Variants in NIN observed in about 807,000 individuals in gnomAD.
NIN encodes the protein glycogen synthase kinase 3 beta-interacting protein.
NIN carries 137 observed loss-of-function variants against 257.6 expected under a neutral mutation model. That is an observed-to-expected ratio of 0.53 (90% CI 0.46 to 0.61). The LOEUF is 0.61. NIN is among the 20% of genes least tolerant of loss of function. The probability of loss-of-function intolerance (pLI) is 0.00; values close to 1 mark genes in which losing one functional copy is unlikely to be tolerated. For missense variants in NIN, 2,439 were observed against 2,501.2 expected (o/e 0.98, Z 0.53); for synonymous variants, 918 against 919.8 (o/e 1.00, Z 0.04).
chr14:50,766,418 G>T, intron 13 of NIN, 22 bp from the exon 14 acceptor site: 1 of 1,610,912 alleles, frequency 6.2e-7, no homozygotes, highest in Non-Finnish European at 8.5e-7. Context: ...AAAGGGCAAA[G>T]CTGTCATTTT....
chr14:50,754,919 T>C lies in NIN; in HGVS notation c.4539-52A>G, dbSNP rs771931283. ...GTTACAAGGCAGTCATCTGGCATCT[T>C]TGGAAAATATTTTCTAGTAACTTCC... On this transcript the variant is annotated intron_variant, in intron 18 of 30. Transcript: ENST00000530997. 13 of 1,296,306 alleles carry C rather than the reference T, an allele frequency of 1.0e-5. No homozygotes were observed. In the South Asian group the frequency reaches 1.0e-4, roughly 10 times the overall value. 80.3% of individuals were successfully genotyped at this position (1,296,306 alleles called of 1,614,324 possible).
chr14:50,803,882 C>CT (rs907379305), intron 4 of NIN, among the ~76,000 whole-genome samples: 76 of 144,676 alleles, frequency 5.3e-4, no homozygotes, highest in African/African-American at 1.4e-3. Flanking sequence ...GGTAGAGTCA[C>CT]TTTTTTTTTT....
At chr14:50,815,199 AAAAC>A (rs1178854154) in intron 3 of NIN, among the ~76,000 whole-genome samples, 2 of 152,232 alleles carry the variant, frequency 1.3e-5, no homozygotes, top group African/African-American at 4.8e-5. Context: ...TTACAAGAAA[AAAAC>A]AAACAACCCC....
At chr14:50,739,799 G>C (rs1305586699) in intron 25 of NIN, among the ~76,000 whole-genome samples, 5 of 152,226 alleles carry the variant, frequency 3.3e-5, no homozygotes, top group South Asian at 2.1e-4. Context: ...CAAATGCATT[G>C]AGACTGGTGG....
chr14:50,794,139 C>G (rs1200041044), intron 4 of NIN, among the ~76,000 whole-genome samples: 1 of 152,188 alleles, frequency 6.6e-6, no homozygotes, highest in Non-Finnish European at 1.5e-5. Context: ...CATTACTTTA[C>G]AGTTTCCCAG....
At chr14:50,785,740 A>C (rs112533171) in intron 5 of NIN, among the ~76,000 whole-genome samples, 2,744 of 152,324 alleles carry the variant, frequency 0.018, 91 homozygotes, top group African/African-American at 0.062. Flanking sequence ...AGTATTTATA[A>C]AGCCTGTGCT....
At chr14:50,767,570 C>A (rs1289309691) in intron 12 of NIN, among the ~76,000 whole-genome samples, 1 of 152,054 alleles carries the variant, frequency 6.6e-6, no homozygotes, top group Middle Eastern at 3.2e-3. Flanking sequence ...GTAATCCCAG[C>A]ACTTTGGGAG....
chr14:50,757,713 G>T lies in NIN; in HGVS notation c.3317C>A (p.Ser1106Tyr), dbSNP rs770878751. 1 of 1,614,084 alleles carries T rather than the reference G, an allele frequency of 6.2e-7. No individual in the cohort carries two copies. The highest frequency in any genetic ancestry group is 1.1e-5 in the South Asian group (1 of 91,084). The change falls in exon 18 of 31, where the codon TCT becomes TAT. Residue 1106 changes from serine to tyrosine, a missense_variant. Ser to Tyr is a moderately radical substitution (Grantham distance 144). Coordinates refer to ENST00000530997, the MANE Select transcript of NIN (RefSeq NM_020921.4). ...QKLEPGLVMSSCLDEPATEFF... is the reference protein window; with the variant it reads ...QKLEPGLVMSYCLDEPATEFF... Reference sequence around the variant, plus strand: ...CTCAGTAGCTGGCTCATCCAAACAAGAAGACATTACTAACCCTGGCTCTAA... The same window carrying T: ...CTCAGTAGCTGGCTCATCCAAACAATAAGACATTACTAACCCTGGCTCTAA...
Position 50,809,207 on chromosome 14 carries a change from G to A in NIN, c.184-2389C>T, listed in dbSNP as rs188788036. 4.3e-3 allele frequency among the ~76,000 whole-genome samples: 655 copies of A among 152,172 alleles called. 2 individuals carry two copies. Among genetic ancestry groups the A allele is most frequent in the Admixed American group, 7.3e-3 (111 of 15,286 alleles). ...CTGCACTCCAGCCTGGGTGACAAGA[G>A]CAAAACTCCATCTCAAAAGAAAAGA... On this transcript the variant is annotated intron_variant, in intron 3 of 30. Coordinates refer to ENST00000530997, the MANE Select transcript of NIN (RefSeq NM_020921.4).
intron 28 of NIN, among the ~76,000 whole-genome samples, chr14:50,730,303 A>C (rs2040626962): frequency 6.6e-6 from 1 of 152,178 alleles, no homozygotes; most frequent in Non-Finnish European, 1.5e-5. Flanking sequence ...AATATCCTAG[A>C]ACATCTGGGA....
rs2040586277 is a variant in NIN at position 50,729,534 on chromosome 14, T to G, written c.6067A>C (p.Asn2023His). ...EELENRTSET[N>H]TPQGNQEQLV... Reference sequence around the variant, plus strand: ...AGAGAGCTTCATACCTGTGGTGTGTTGGTTTCGGAGGTCCTGTTTTCAAGT... The same window carrying G: ...AGAGAGCTTCATACCTGTGGTGTGTGGGTTTCGGAGGTCCTGTTTTCAAGT... Residue 2023 changes from asparagine to histidine, a missense_variant, in exon 29 of 31, where the codon AAC (asparagine) becomes CAC (histidine). Physicochemically the swap from Asn to His is moderately conservative, Grantham distance 68. Around this residue, in one of 3 missense-constraint regions of NIN, gnomAD observed 2,043 missense variants for 2,050.2 expected, o/e 1.00. Transcript: ENST00000530997. 1 of 1,613,170 alleles carries G rather than the reference T, an allele frequency of 6.2e-7. No homozygotes were observed. The highest frequency in any genetic ancestry group is 1.7e-5 in the Admixed American group (1 of 59,882).
chr14:50,806,712 A>C, intron 4 of NIN, 25 bp downstream of exon 4: 1 of 1,340,848 alleles, frequency 7.5e-7, no homozygotes, highest in Non-Finnish European at 1.1e-6. Flanking sequence ...AGGGGAAGGC[A>C]GAGAAGAGAA....
chr14:50,766,233 GA>G, intron 14 of NIN, 73 bp downstream of exon 14: 1 of 1,114,734 alleles, frequency 9.0e-7, no homozygotes, highest in South Asian at 1.3e-5. Flanking sequence ...TAGGGTCACA[GA>G]GCTAGGGAAC....
chr14:50,787,843 T>A (rs373318354), intron 5 of NIN, among the ~76,000 whole-genome samples: 49 of 151,854 alleles, frequency 3.2e-4, no homozygotes, highest in African/African-American at 1.1e-3. Context: ...TAGGTTACAG[T>A]AGCCTTTCCC....
chr14:50,725,794 ATGAG>A, intron 30 of NIN, 155 bp downstream of exon 30: 2 of 1,334,608 alleles, frequency 1.5e-6, no homozygotes. Context: ...TTGGGGTGAT[ATGAG>A]GGATAGCAAA....
chr14:50,811,671 G>A (rs76943219), intron 3 of NIN, among the ~76,000 whole-genome samples: 14 of 149,660 alleles, frequency 9.4e-5, no homozygotes, highest in Admixed American at 2.7e-4. Context: ...AGGCCAAAGC[G>A]GGCTGATTGC....
intron 18 of NIN, among the ~76,000 whole-genome samples, chr14:50,755,698 T>C (rs2041996727): frequency 7.1e-6 from 1 of 140,744 alleles, no homozygotes; most frequent in Non-Finnish European, 1.5e-5. Context: ...AGGGTCTCAC[T>C]CTGTCACCCA....
In NIN at chr14:50,749,632, T is replaced by C. The variant is rs78146308; in HGVS notation, c.4951-1527A>G. Among the ~76,000 whole-genome samples the C allele has an allele frequency of 8.0e-3, 1,224 of 152,318 alleles. 18 individuals carry two copies. The highest frequency in any genetic ancestry group is 0.027 in the African/African-American group (1,138 of 41,564). ...TTCATTTATTAATTGGAATTAGAGC[T>C]GTTGTTTTCCCTCCCAGCTTAAATT... On this transcript the variant is annotated intron_variant, in intron 21 of 30. Coordinates refer to ENST00000530997, the MANE Select transcript of NIN (RefSeq NM_020921.4).
At chr14:50,790,648 G>A (rs1004086722) in intron 5 of NIN, among the ~76,000 whole-genome samples, 2 of 152,134 alleles carry the variant, frequency 1.3e-5, no homozygotes, top group Non-Finnish European at 2.9e-5. Context: ...GATGGAGGGT[G>A]GTGAATGCTA....
Sources: gnomAD v4.1 joint callset for allele counts (sites outside exome capture counted in the v4.1 genomes callset) on GRCh38, gnomAD v4.1.1 for gene constraint, gnomAD v4.1.1 regional missense constraint, MANE v1.5 for transcripts, NCBI Gene and HGNC (gene_info 2026-07-23, HGNC 2026-07-21) for gene names.